CLSPN: variants seen among roughly 807,000 people sequenced by gnomAD.
CLSPN encodes claspin homolog.
CLSPN carries 85 observed loss-of-function variants against 156.3 expected under a neutral mutation model. The ratio of observed to expected loss-of-function variants is 0.54; its 90% CI spans 0.46 to 0.65. The LOEUF is 0.65. Among genes scored for constraint, CLSPN ranks in the 30% least tolerant of loss-of-function variants. The pLI, the probability that CLSPN is intolerant of heterozygous loss-of-function variation, is 0.00. For synonymous variants in CLSPN, 534 were observed against 542.4 expected (o/e 0.98, Z 0.22); for missense variants, 1,407 against 1,554.9 (o/e 0.90, Z 1.60).
rs548353420 is a variant in CLSPN, at chr1:35,769,947, C to A, written c.-77G>T. On this transcript the variant is annotated 5_prime_UTR_variant, in exon 1 of 25. Transcript: ENST00000318121. The stretch of plus-strand genomic sequence containing the variant: ...TCAGCCGGAGAGCAGCGGCTCCCGC[C>A]GTCTCCAGCCCAGCAGTGCTGTTCT... The A allele has an allele frequency of 1.2e-4, 181 of 1,557,538 alleles. No homozygotes were observed. The highest frequency in any genetic ancestry group is 1.6e-4 in the Non-Finnish European group (177 of 1,138,968).
rs1284764479 is a variant in CLSPN at position 35,749,825 on chromosome 1, G to A, written c.2029-14C>T. The A allele has an allele frequency of 8.1e-6, 13 of 1,606,160 alleles. No individual in the cohort carries two copies. Among genetic ancestry groups the A allele is most frequent in the African/African-American group, 1.3e-5 (1 of 74,232 alleles). ...GAATTCTGCAGTCTTTACCAATCAGGCCACCACAAAACAAAAAATACAAGT... is the reference window on the plus strand; with the variant it reads ...GAATTCTGCAGTCTTTACCAATCAGACCACCACAAAACAAAAAATACAAGT... On this transcript the variant is annotated splice_polypyrimidine_tract_variant and intron_variant, in intron 10 of 24. Transcript: ENST00000318121.
chr1:35,734,260 A>G lies in CLSPN; in HGVS notation c.*2236T>C. On this transcript the variant is annotated 3_prime_UTR_variant, in exon 25 of 25. Coordinates refer to ENST00000318121, the MANE Select transcript of CLSPN (RefSeq NM_022111.4). Reference sequence around the variant, plus strand: ...AGCTGGACAGCAAATCTTCCCTTCAAGGCATTAAGATTTATTGAAAAACTA... The same window carrying G: ...AGCTGGACAGCAAATCTTCCCTTCAGGGCATTAAGATTTATTGAAAAACTA... The G allele has an allele frequency of 1.0e-6, 1 of 985,452 alleles. No homozygotes were observed. The highest frequency in any genetic ancestry group is 1.2e-6 in the Non-Finnish European group (1 of 829,924). 61.0% of individuals were successfully genotyped at this position (985,452 alleles called of 1,614,324 possible).
At position 35,765,170 on chromosome 1, in the gene CLSPN, C is replaced by T. The variant is rs766902557; in HGVS notation, c.133+48G>A. 4.5e-6 allele frequency: 5 copies of T among 1,106,062 alleles called. No homozygotes were observed. In the African/African-American group the frequency reaches 7.7e-5, roughly 17 times the overall value. The allele number at this position is 1,106,062 out of a possible 1,614,324, so 68.5% of individuals were successfully genotyped here. A position where few individuals can be genotyped will look rare whatever the true frequency, so the allele number is the denominator to read the frequency against. On this transcript the variant is annotated intron_variant, in intron 2 of 24. Transcript: ENST00000318121. ...TGAAATCAATCCAATCTACTTACAA[C>T]TGAGGCTCCCGCAACCTATTCCTAA...
Position 35,746,007 on chromosome 1 carries a change from A to C in CLSPN, c.2855-445T>G, listed in dbSNP as rs1641867177. 6.7e-6 allele frequency among the ~76,000 whole-genome samples: 1 copy of C among 150,320 alleles called. No individual in the cohort carries two copies. Among genetic ancestry groups the C allele is most frequent in the Non-Finnish European group, 1.5e-5 (1 of 67,608 alleles). ...GTTGCCCAGGCTGGAGTGCAGTGGC[A>C]CAATCTCGGCTCACTGCAACCTCCA... On this transcript the variant is annotated intron_variant, in intron 15 of 24. Transcript: ENST00000318121. The surrounding 1 kb of genome is among the most constrained non-coding windows in gnomAD (Gnocchi z 4.2).
chr1:35,762,087 A>C lies in CLSPN; in HGVS notation c.823-17T>G, dbSNP rs1039421077. On this transcript the variant is annotated splice_polypyrimidine_tract_variant and intron_variant, in intron 5 of 24. Transcript: ENST00000318121. ...CTTTCTTTCCTTAAAGAAAACAAGA[A>C]GTGAGACTACATTAATTATATGAAT... is the stretch of plus-strand genomic sequence containing the variant. 1 of 1,530,176 alleles carries C rather than the reference A, an allele frequency of 6.5e-7. No homozygotes were observed. The highest frequency in any genetic ancestry group is 9.1e-7 in the Non-Finnish European group (1 of 1,104,572). The allele number at this position is 1,530,176 out of a possible 1,614,324, so 94.8% of individuals were successfully genotyped here. A position where few individuals can be genotyped will look rare whatever the true frequency, so the allele number is the denominator to read the frequency against.
downstream of CLSPN, among the ~76,000 whole-genome samples, chr1:35,728,921 A>AACAC (rs58348673): frequency 9.0e-3 from 768 of 85,112 alleles, 23 homozygotes; most frequent in East Asian, 0.054. Flanking sequence ...CCTCCCCTCA[A>AACAC]ACACACACAC....
At chr1:35,725,705 A>AG (rs1641166995) in intron 24 of CLSPN, among the ~76,000 whole-genome samples, 1 of 152,038 alleles carries the variant, frequency 6.6e-6, no homozygotes, top group Non-Finnish European at 1.5e-5. Flanking sequence ...GCTCGTGCGG[A>AG]GGGGGAGGCC....
At chr1:35,739,847 T>C (rs1641633667) in intron 18 of CLSPN, among the ~76,000 whole-genome samples, 1 of 152,226 alleles carries the variant, frequency 6.6e-6, no homozygotes. Context: ...GTGGAGCATC[T>C]GTATTTAAAA....
At chr1:35,737,192 T>A in intron 23 of CLSPN, 117 bp from the exon 24 acceptor site, 10 of 1,253,420 alleles carry the variant, frequency 8.0e-6, no homozygotes, top group Non-Finnish European at 1.1e-5. Context: ...CCTATTCAAA[T>A]AGAAAAGAAA....
chr1:35,768,940 A>G (rs1557528870), intron 1 of CLSPN, among the ~76,000 whole-genome samples: 1 of 152,172 alleles, frequency 6.6e-6, no homozygotes, highest in Non-Finnish European at 1.5e-5. Flanking sequence ...TATTTTTTAA[A>G]AAATTAAATC....
Position 35,746,753 on chromosome 1 carries a change from G to A in CLSPN, c.2854+13C>T, listed in dbSNP as rs1214980141. ...GGGTGTGGTAAGCTTGATACTCTCG[G>A]TTGGATATTTACCCTGAGAAGTGAA... On this transcript the variant is annotated intron_variant, in intron 15 of 24. Transcript: ENST00000318121. This position sits in a 1 kb window ranked among gnomAD's most constrained non-coding sequence, Gnocchi z 4.2. 1 of 1,560,036 alleles carries A rather than the reference G, an allele frequency of 6.4e-7. No homozygotes were observed. Among genetic ancestry groups the A allele is most frequent in the East Asian group, 2.2e-5 (1 of 44,646 alleles).
In CLSPN at chr1:35,737,972, A is replaced by G; in HGVS notation, c.3664+20T>C. On this transcript the variant is annotated intron_variant, in intron 22 of 24. Transcript: ENST00000318121. The stretch of plus-strand genomic sequence containing the variant: ...CTAACAATCCAGGGGGCTAGACCCT[A>G]AGGAGAAACAAGAGCTCACCATTCT... The G allele has an allele frequency of 1.5e-6, 2 of 1,365,492 alleles. No homozygotes were observed. Among genetic ancestry groups the G allele is most frequent in the South Asian group, 1.7e-5 (1 of 57,432 alleles). 84.6% of individuals were successfully genotyped at this position (1,365,492 alleles called of 1,614,324 possible).
Position 35,760,504 on chromosome 1 carries a change from C to T in CLSPN, c.1417G>A (p.Glu473Lys), listed in dbSNP as rs1446882590. ...GATGATTTATTTTGCTGCTCAGGCT[C>T]TTCCACTTTCTCATCTGTTTCTTCT... ...NPEETDEKVE[E>K]PEQQNKSSAV... is the part of the protein sequence containing the mutation. Residue 473 changes from glutamate (E) to lysine (K), a missense_variant, in exon 8 of 25, where the codon GAG becomes AAG. By Grantham distance (56) the Glu-to-Lys change is moderately conservative. Transcript: ENST00000318121. 1 of 1,614,256 alleles carries T rather than the reference C, an allele frequency of 6.2e-7. No homozygotes were observed. Among genetic ancestry groups the T allele is most frequent in the Non-Finnish European group, 8.5e-7 (1 of 1,180,060 alleles).
intron 14 of CLSPN, 133 bp downstream of exon 14, chr1:35,747,774 T>C: frequency 1.3e-6 from 1 of 798,346 alleles, no homozygotes; most frequent in Non-Finnish European, 2.0e-6. Context: ...TAGAATGTAA[T>C]ACTAATGGTC....
chr1:35,737,610 A>G, intron 22 of CLSPN, 189 bp from the exon 23 acceptor site: 4 of 543,752 alleles, frequency 7.4e-6, no homozygotes, highest in Non-Finnish European at 3.3e-6. Context: ...TTGAACAGTA[A>G]TCATTTAAGA....
intron 3 of CLSPN, 44 bp from the exon 4 acceptor site, chr1:35,763,365 A>C (rs757782452): frequency 9.7e-6 from 14 of 1,448,228 alleles, no homozygotes; most frequent in Admixed American, 2.5e-5. Context: ...TCATTTAAAA[A>C]TCCAGTATTT....
chr1:35,741,117 T>C (rs1196667933), intron 18 of CLSPN, among the ~76,000 whole-genome samples: 1 of 152,050 alleles, frequency 6.6e-6, no homozygotes, highest in Non-Finnish European at 1.5e-5. Flanking sequence ...TTTATAAAAC[T>C]TTTTTTAACA....
chr1:35,737,349 C>G lies in CLSPN; in HGVS notation c.3737G>C (p.Ser1246Thr), dbSNP rs757462389. The G allele has an allele frequency of 6.2e-7, 1 of 1,613,936 alleles. No homozygotes were observed. The highest frequency in any genetic ancestry group is 1.1e-5 in the South Asian group (1 of 91,064). Residue 1246 changes from serine to threonine, a missense_variant, in exon 23 of 25, where the codon AGT becomes ACT. Physicochemically the swap from Ser to Thr is moderately conservative, Grantham distance 58 (BLOSUM62 1). Transcript: ENST00000318121. ...RNPFEAIRPGSAQQVKTGSLL... is the reference protein window; with the variant it reads ...RNPFEAIRPGTAQQVKTGSLL... ...AGGTTCCCAACCAACCTGTTGAGCA[C>G]TTCCTGGTCTGATGGCTTCAAAAGG... is the stretch of plus-strand genomic sequence containing the variant.
intron 24 of CLSPN, among the ~76,000 whole-genome samples, chr1:35,726,617 C>T (rs1490845626): frequency 1.3e-5 from 2 of 152,172 alleles, no homozygotes; most frequent in African/African-American, 4.8e-5. Context: ...AAAATCAATA[C>T]CGTTAGCAGA....
Sources: allele counts gnomAD v4.1 joint callset (sites outside exome capture counted in the v4.1 genomes callset), GRCh38; gene constraint gnomAD v4.1.1; non-coding constraint Gnocchi (gnomAD v3.1); transcripts MANE v1.5; gene names NCBI Gene and HGNC (gene_info 2026-07-23, HGNC 2026-07-21).